Variants in TDG observed in about 807,000 individuals in gnomAD.
The protein encoded by TDG is thymine DNA glycosylase.
Under a neutral mutation model 46.1 loss-of-function variants are expected in TDG, and 23 were observed. That is an observed-to-expected ratio of 0.50 (90% CI 0.36 to 0.71). The LOEUF (loss-of-function observed/expected upper bound fraction) is 0.71. Ranked by LOEUF, TDG falls within the 30% of genes least tolerant of loss-of-function variation. The pLI is 0.00. For synonymous variants in TDG, 115 were observed against 161.3 expected (o/e 0.71, Z 2.18); for missense variants, 304 against 486.7 (o/e 0.62, Z 3.53).
At chr12:103,973,695 T>A (rs560184258) in intron 1 of TDG, among the ~76,000 whole-genome samples, 1 of 152,368 alleles carries the variant, frequency 6.6e-6, no homozygotes, top group African/African-American at 2.4e-5. Flanking sequence ...CATTTTACTT[T>A]GTGCCAGGTA....
In TDG at chr12:103,981,225, ACTTT is replaced by A. The variant is rs1317542909; in HGVS notation, c.478+264_478+267del. On this transcript the variant is annotated intron_variant, in intron 4 of 9. Coordinates refer to ENST00000392872, the MANE Select transcript of TDG (RefSeq NM_003211.6). ...TGAATTGTTTCTAATGAGTTGTACT[ACTTT>A]TTTTTTTTTTTTTTTTTTTTTTTGA... Among the ~76,000 whole-genome samples the A allele has an allele frequency of 7.1e-5, 8 of 112,962 alleles. No individual in the cohort carries two copies. The East Asian group carries it at 2.3e-3, about 32-fold the overall frequency. The allele number at this position is 112,962 out of a possible 152,430, so 74.1% of individuals were successfully genotyped here. A position where few individuals can be genotyped will look rare whatever the true frequency, so the allele number is the denominator to read the frequency against.
intron 1 of TDG, among the ~76,000 whole-genome samples, chr12:103,976,693 A>G (rs1459589202): frequency 6.6e-6 from 1 of 152,192 alleles, no homozygotes; most frequent in Non-Finnish European, 1.5e-5. Flanking sequence ...ACATCTTATC[A>G]TTTAAACAGT....
At chr12:103,985,526 T>C in intron 8 of TDG, 77 bp from the exon 9 acceptor site, 10 of 1,477,348 alleles carry the variant, frequency 6.8e-6, no homozygotes, top group Non-Finnish European at 9.1e-6. Flanking sequence ...AAAAGAATTG[T>C]TCATGATTTC....
intron 7 of TDG, among the ~76,000 whole-genome samples, chr12:103,983,829 G>A (rs4135115): frequency 0.082 from 12,424 of 152,204 alleles, 1,017 homozygotes; most frequent in African/African-American, 0.2. Flanking sequence ...ATACAACCCA[G>A]ACAAGCCTCC....
chr12:103,976,925 C>A lies in TDG; in HGVS notation c.31C>A (p.Leu11Ile), dbSNP rs955606129. 2 of 1,613,470 alleles carry A rather than the reference C, an allele frequency of 1.2e-6. No individual in the cohort carries two copies. Among genetic ancestry groups the A allele is most frequent in the African/African-American group, 2.7e-5 (2 of 74,886 alleles). The change falls in exon 2 of 10, where the codon CTT becomes ATT. Residue 11 changes from leucine to isoleucine, a missense_variant. Coordinates refer to ENST00000392872, the MANE Select transcript of TDG (RefSeq NM_003211.6). ...GCTTCATTATTCTTTCAGCTATTCC[C>A]TTCAGCAAGCTCAAGCTTTTTATAC... MEAENAGSYS[L>I]QQAQAFYTFP...
Position 103,982,918 on chromosome 12 carries a change from A to G in TDG, c.598A>G (p.Ser200Gly). The G allele has an allele frequency of 1.2e-6, 2 of 1,614,196 alleles. No individual in the cohort carries two copies. Among genetic ancestry groups the G allele is most frequent in the South Asian group, 2.2e-5 (2 of 91,082 alleles). The part of the protein sequence containing the change: ...TNMVERTTPG[S>G]KDLSSKEFRE... ...CATGGTGGAAAGGACCACGCCCGGC[A>G]GCAAAGATCTCTCCAGGTAAGTACA... The change falls in exon 5 of 10, where the codon AGC (serine) becomes GGC (glycine). Residue 200 changes from serine (S) to glycine (G), a missense_variant. Ser to Gly is a moderately conservative substitution (Grantham distance 56). Coordinates refer to ENST00000392872, the MANE Select transcript of TDG (RefSeq NM_003211.6).
chr12:103,970,285 C>G (rs1288234046), intron 1 of TDG, among the ~76,000 whole-genome samples: 1 of 152,092 alleles, frequency 6.6e-6, no homozygotes, highest in Non-Finnish European at 1.5e-5. Flanking sequence ...CAAGACTAGC[C>G]TGGGCAACAT....
intron 4 of TDG, 76 bp from the exon 5 acceptor site, chr12:103,982,723 C>T: frequency 6.7e-7 from 1 of 1,503,000 alleles, no homozygotes; most frequent in Non-Finnish European, 9.1e-7. Context: ...CATGATCGTG[C>T]CACTACACTC....
At chr12:103,984,972 CATAT>C in intron 8 of TDG, 52 bp downstream of exon 8, 1 of 1,387,662 alleles carries the variant, frequency 7.2e-7, no homozygotes, top group Non-Finnish European at 9.6e-7. Context: ...TATATATACA[CATAT>C]ATACTTACAT....
In TDG at chr12:103,980,016, G is replaced by A. The variant is rs763015383; in HGVS notation, c.352G>A (p.Glu118Lys). The A allele has an allele frequency of 1.9e-6, 3 of 1,613,986 alleles. No homozygotes were observed. In the East Asian group the frequency reaches 6.7e-5, roughly 36 times the overall value. Residue 118 changes from glutamate to lysine, a missense_variant, in exon 3 of 10, where the codon GAA (glutamate) becomes AAA (lysine). By Grantham distance (56) the Glu-to-Lys change is moderately conservative. Coordinates refer to ENST00000392872, the MANE Select transcript of TDG (RefSeq NM_003211.6). ...CCGTTTTAATGGTGTTTCAGAAGCT[G>A]AACTTCTGACCAAGACTCTCCCCGA... ...VDRFNGVSEA[E>K]LLTKTLPDIL...
chr12:103,966,686 C>T (rs1056322279), intron 1 of TDG, among the ~76,000 whole-genome samples: 2 of 152,014 alleles, frequency 1.3e-5, no homozygotes, highest in African/African-American at 2.4e-5. Context: ...TTTGCAAAAG[C>T]AGGAGATTTA....
chr12:103,985,172 C>T lies in TDG; in HGVS notation c.964+252C>T, dbSNP rs995941496. On this transcript the variant is annotated intron_variant, in intron 8 of 9. Transcript: ENST00000392872. Reference sequence around the variant, plus strand: ...GTGTCTATATATAGACACATACACACACACACACACACACACACACACACA... The same window carrying T: ...GTGTCTATATATAGACACATACACATACACACACACACACACACACACACA... Among the ~76,000 whole-genome samples, 418 of 87,858 alleles carry T rather than the reference C, an allele frequency of 4.8e-3. 5 individuals carry two copies. The highest frequency in any genetic ancestry group is 0.014 in the East Asian group (69 of 4,780). 57.6% of individuals were successfully genotyped at this position (87,858 alleles called of 152,430 possible). A position where few individuals can be genotyped will look rare whatever the true frequency, so the allele number is the denominator to read the frequency against.
intron 3 of TDG, 32 bp downstream of exon 3, chr12:103,980,104 G>C: frequency 6.2e-7 from 1 of 1,612,314 alleles, no homozygotes; most frequent in Non-Finnish European, 8.5e-7. Flanking sequence ...GATTTTATAA[G>C]TAGTATTGGG....
At chr12:103,985,461 C>T in intron 8 of TDG, 142 bp from the exon 9 acceptor site, 1 of 967,192 alleles carries the variant, frequency 1.0e-6, no homozygotes, top group Non-Finnish European at 1.4e-6. Context: ...TTAGTACATG[C>T]TATAAGTTTA....
rs1374684407 is a variant in TDG, at chr12:103,988,817, T to G, written c.*1727T>G. ...TAAATAATATTGAAAGATTTTAAAA[T>G]TCATTTGAAAGTCTGATGGCTTTTA... On this transcript the variant is annotated 3_prime_UTR_variant, in exon 10 of 10. Coordinates refer to ENST00000392872, the MANE Select transcript of TDG (RefSeq NM_003211.6). The G allele has an allele frequency of 6.6e-6, 1 of 152,170 alleles. No individual in the cohort carries two copies. The highest frequency in any genetic ancestry group is 1.5e-5 in the Non-Finnish European group (1 of 68,028). The allele number at this position is 152,170 out of a possible 1,614,324, so 9.4% of individuals were successfully genotyped here.
At chr12:103,970,427 A>G (rs922767719) in intron 1 of TDG, among the ~76,000 whole-genome samples, 3 of 152,198 alleles carry the variant, frequency 2.0e-5, no homozygotes, top group Non-Finnish European at 1.5e-5. Context: ...ACTGTGAGCT[A>G]TGATAGCACC....
chr12:103,968,995 G>C (rs1320701604), intron 1 of TDG, among the ~76,000 whole-genome samples: 1 of 152,172 alleles, frequency 6.6e-6, no homozygotes, highest in Non-Finnish European at 1.5e-5. Context: ...GGGCATGGTG[G>C]CATAACTAGT....
At position 103,987,070 on chromosome 12, in the gene TDG, G is replaced by T; in HGVS notation, c.1213G>T (p.Glu405Ter). Residue 405 changes from glutamate to a stop codon, truncating the protein, a stop_gained, in exon 10 of 10, where the codon GAA (glutamate) becomes TAA (stop). Transcript: ENST00000392872. LOFTEE classifies it high-confidence loss of function. ...FSNHCGTQEQ[E>*]EESHA ...TAATCACTGTGGAACACAAGAACAGGAAGAAGAAAGCCATGCTTAAGAATG... is the reference window on the plus strand; with the variant it reads ...TAATCACTGTGGAACACAAGAACAGTAAGAAGAAAGCCATGCTTAAGAATG... 1 of 1,613,994 alleles carries T rather than the reference G, an allele frequency of 6.2e-7. No homozygotes were observed. The highest frequency in any genetic ancestry group is 8.5e-7 in the Non-Finnish European group (1 of 1,179,938).
At chr12:103,966,413 A>G (rs1042521711) in intron 1 of TDG, among the ~76,000 whole-genome samples, 1 of 152,232 alleles carries the variant, frequency 6.6e-6, no homozygotes, top group Non-Finnish European at 1.5e-5. Flanking sequence ...ATTACCACGC[A>G]GAGAGCTGTA....
Sources: allele counts gnomAD v4.1 joint callset (sites outside exome capture counted in the v4.1 genomes callset), GRCh38; gene constraint gnomAD v4.1.1; transcripts MANE v1.5; gene names NCBI Gene and HGNC (gene_info 2026-07-23, HGNC 2026-07-21).